The following HHAT variants were observed in gnomAD, a reference collection of about 807,000 sequenced individuals.
The protein encoded by HHAT is protein-cysteine N-palmitoyltransferase HHAT.
In HHAT, 47 loss-of-function variants were observed where a neutral mutation model predicts 70.8. The ratio of observed to expected loss-of-function variants is 0.66; its 90% CI spans 0.53 to 0.85. The LOEUF is 0.85. HHAT is among the 40% of genes least tolerant of loss of function. The pLI, the probability that HHAT is intolerant of heterozygous loss-of-function variation, is 0.00. For missense variants in HHAT, 609 were observed against 604.8 expected (o/e 1.01, Z -0.07); for synonymous variants, 228 against 247.6 (o/e 0.92, Z 0.74).
intron 7 of HHAT, among the ~76,000 whole-genome samples, chr1:210,454,316 G>A (rs1350738304): frequency 6.6e-6 from 1 of 152,212 alleles, no homozygotes; most frequent in Non-Finnish European, 1.5e-5. Flanking sequence ...CACTTCGGGA[G>A]GCCGAGGTGG....
intron 6 of HHAT, among the ~76,000 whole-genome samples, chr1:210,406,305 C>T (rs12085633): frequency 0.22 from 32,875 of 151,978 alleles, 3,753 homozygotes; most frequent in African/African-American, 0.26. Flanking sequence ...GATTATTTTC[C>T]TAACTTCCTC....
At chr1:210,464,785 C>T in intron 8 of HHAT, 130 bp downstream of exon 8, 2 of 852,976 alleles carry the variant, frequency 2.3e-6, no homozygotes, top group Non-Finnish European at 3.6e-6. Flanking sequence ...GCATCCATTT[C>T]TTCATCCTAC....
chr1:210,500,056 A>C (rs1367458986), intron 8 of HHAT, among the ~76,000 whole-genome samples: 2 of 152,196 alleles, frequency 1.3e-5, no homozygotes, highest in Non-Finnish European at 2.9e-5. Flanking sequence ...AAGGAGGGAA[A>C]GCCTGTGTAC....
At chr1:210,667,923 T>C (rs74990127) in intron 11 of HHAT, among the ~76,000 whole-genome samples, 2 of 152,186 alleles carry the variant, frequency 1.3e-5, no homozygotes, top group South Asian at 2.1e-4. Flanking sequence ...CGAGTTTTTT[T>C]CGTCTTGCAA....
intron 10 of HHAT, among the ~76,000 whole-genome samples, chr1:210,590,887 T>A (rs1051729222): frequency 2.6e-5 from 4 of 152,122 alleles, no homozygotes; most frequent in African/African-American, 7.2e-5. Context: ...GATCTCTAAA[T>A]AACAAAAATT....
chr1:210,329,246 A>G (rs984839619), intron 1 of HHAT, 142 bp downstream of exon 1: 21 of 1,217,524 alleles, frequency 1.7e-5, no homozygotes, highest in Middle Eastern at 2.4e-4. Context: ...AGGGCGGGAC[A>G]GAGGAAGTTC....
chr1:210,330,344 T>C (rs570655445), intron 1 of HHAT, among the ~76,000 whole-genome samples: 1 of 152,326 alleles, frequency 6.6e-6, no homozygotes, highest in East Asian at 1.9e-4. Flanking sequence ...TTTAGATACA[T>C]TATTTCTAAA....
intron 7 of HHAT, among the ~76,000 whole-genome samples, chr1:210,443,067 A>G (rs1266377621): frequency 6.6e-6 from 1 of 152,242 alleles, no homozygotes; most frequent in Admixed American, 6.5e-5. Flanking sequence ...ACATATGGCT[A>G]GCCAGTTTTC....
At chr1:210,526,642 G>A (rs551382049) in intron 9 of HHAT, among the ~76,000 whole-genome samples, 119 of 151,708 alleles carry the variant, frequency 7.8e-4, no homozygotes, top group African/African-American at 2.6e-3. Context: ...GCTTCTGTTT[G>A]GGCCTTAGTT....
intron 2 of HHAT, among the ~76,000 whole-genome samples, chr1:210,359,515 G>A (rs1251127322): frequency 2.6e-5 from 4 of 152,046 alleles, no homozygotes; most frequent in Admixed American, 6.5e-5. Context: ...TTGATCTTGC[G>A]GCTCCCACTC....
At position 210,620,951 on chromosome 1, in the gene HHAT, T is replaced by TGG. The variant is rs1668699152; in HGVS notation, c.1246-2571_1246-2570dup. On this transcript the variant is annotated intron_variant, in intron 10 of 11. Coordinates refer to ENST00000261458, the MANE Select transcript of HHAT (RefSeq NM_018194.6). ...TTATGGAACCATGTAGCTTAGAATATGGGGGTAGTCACAGAATCAAAGGAA... is the reference window on the plus strand; with the variant it reads ...TTATGGAACCATGTAGCTTAGAATATGGGGGGGTAGTCACAGAATCAAAGGAA... 4.0e-5 allele frequency among the ~76,000 whole-genome samples: 6 copies of TGG among 151,844 alleles called. No homozygotes were observed. The South Asian group carries it at 1.3e-3, about 32-fold the overall frequency.
intron 1 of HHAT, among the ~76,000 whole-genome samples, chr1:210,339,429 T>TTTC (rs5780572): frequency 6.6e-6 from 1 of 151,596 alleles, no homozygotes; most frequent in African/African-American, 2.4e-5. Flanking sequence ...TGGTCTGTTT[T>TTTC]CTCCTCCTTG....
At chr1:210,511,165 A>G (rs975247995) in intron 8 of HHAT, among the ~76,000 whole-genome samples, 1 of 152,228 alleles carries the variant, frequency 6.6e-6, no homozygotes, top group African/African-American at 2.4e-5. Flanking sequence ...GGAAGAACTT[A>G]GCATCTTATC....
At chr1:210,561,548 G>C (rs78891622) in intron 9 of HHAT, among the ~76,000 whole-genome samples, 4,914 of 152,228 alleles carry the variant, frequency 0.032, 271 homozygotes, top group African/African-American at 0.11. Flanking sequence ...CCTAGAAGGT[G>C]CTCAGTAAGT....
At chr1:210,374,205 T>C (rs1186830027) in intron 3 of HHAT, 3 of 152,172 alleles carry the variant, frequency 2.0e-5, no homozygotes, top group South Asian at 2.1e-4. Context: ...CTGATTTGTT[T>C]CTCTCCACGG....
chr1:210,435,018 C>A (rs1283730596), intron 7 of HHAT, among the ~76,000 whole-genome samples: 1 of 151,812 alleles, frequency 6.6e-6, no homozygotes, highest in Non-Finnish European at 1.5e-5. Flanking sequence ...TTGAAACATA[C>A]AATCAATTAA....
chr1:210,533,153 C>T (rs1189964070), intron 9 of HHAT, among the ~76,000 whole-genome samples: 1 of 152,222 alleles, frequency 6.6e-6, no homozygotes, highest in Non-Finnish European at 1.5e-5. Context: ...CCCTGATCCT[C>T]ACCTTCCAGC....
intron 9 of HHAT, among the ~76,000 whole-genome samples, chr1:210,554,442 G>A (rs1212582530): frequency 1.3e-5 from 2 of 152,138 alleles, no homozygotes; most frequent in Admixed American, 1.3e-4. Context: ...GCTCAGTGCA[G>A]GGTTTGTGCC....
chr1:210,624,413 C>T (rs749522936), intron 11 of HHAT, among the ~76,000 whole-genome samples: 6 of 152,172 alleles, frequency 3.9e-5, no homozygotes, highest in Admixed American at 1.3e-4. Context: ...TGGGTCCTAG[C>T]CTGCAATATA....
Sources: allele counts gnomAD v4.1 joint callset (sites outside exome capture counted in the v4.1 genomes callset), GRCh38; gene constraint gnomAD v4.1.1; transcripts MANE v1.5; gene names NCBI Gene and HGNC (gene_info 2026-07-23, HGNC 2026-07-21).